The following SNX8 variants were observed in gnomAD, a reference collection of about 807,000 sequenced individuals.
SNX8 encodes sorting nexin 8, also known as sorting nexin-8.
SNX8 carries 25 observed loss-of-function variants against 51.6 expected under a neutral mutation model. The observed-to-expected ratio is 0.48, with a 90% CI of 0.35 to 0.68. The LOEUF is 0.68. Ranked by LOEUF, SNX8 falls within the 30% of genes least tolerant of loss-of-function variation. The pLI is 0.00. For synonymous variants in SNX8, 324 were observed against 277.0 expected (o/e 1.17, Z -1.68); for missense variants, 695 against 624.0 (o/e 1.11, Z -1.21).
intron 1 of SNX8, among the ~76,000 whole-genome samples, chr7:2,282,628 T>C (rs907712494): frequency 1.3e-5 from 2 of 152,128 alleles, no homozygotes; most frequent in African/African-American, 4.8e-5. Context: ...AGCACTACAT[T>C]CTTTTCACAG....
At chr7:2,308,485 T>C (rs1796594520) in intron 1 of SNX8, among the ~76,000 whole-genome samples, 1 of 151,704 alleles carries the variant, frequency 6.6e-6, no homozygotes, top group East Asian at 1.9e-4. Flanking sequence ...CTGGTCAACA[T>C]GGTAAAACCC....
chr7:2,314,453 G>A (rs562472091), upstream of SNX8: 28 of 1,201,740 alleles, frequency 2.3e-5, no homozygotes, highest in East Asian at 4.5e-4. Context: ...ACTTCCTCCC[G>A]CGCCACCCGG....
At chr7:2,278,745 C>T (rs558409488) in intron 1 of SNX8, among the ~76,000 whole-genome samples, 8 of 82,996 alleles carry the variant, frequency 9.6e-5, no homozygotes, top group Admixed American at 2.5e-4. Context: ...ACTCACACTA[C>T]GGAGTCGAAG....
In SNX8 at chr7:2,254,919, G is replaced by A. The variant is rs1010688400; in HGVS notation, c.*137C>T. On this transcript the variant is annotated 3_prime_UTR_variant, in exon 11 of 11. Coordinates refer to ENST00000222990, the MANE Select transcript of SNX8 (RefSeq NM_013321.4). The stretch of plus-strand genomic sequence containing the variant: ...CGGATGCGCCTCCCGACCCGCAGGC[G>A]TGAGCTCCTCTGCTCCAGCTGCAGC... 4.4e-6 allele frequency: 3 copies of A among 685,604 alleles called. No individual in the cohort carries two copies. Among genetic ancestry groups the A allele is most frequent in the Admixed American group, 2.1e-5 (1 of 46,762 alleles). 42.5% of individuals were successfully genotyped at this position (685,604 alleles called of 1,614,324 possible).
At chr7:2,346,572 C>A (rs531562302) in intron 1 of SNX8, among the ~76,000 whole-genome samples, 2 of 151,348 alleles carry the variant, frequency 1.3e-5, no homozygotes, top group Non-Finnish European at 2.9e-5. Context: ...ACAGTGAAAC[C>A]CCGTCTCTAC....
chr7:2,334,007 C>T (rs1294177238), intron 1 of SNX8, among the ~76,000 whole-genome samples: 1 of 152,042 alleles, frequency 6.6e-6, no homozygotes, highest in Admixed American at 6.6e-5. Context: ...GAGGGGCACA[C>T]ACCTGTAGTC....
At chr7:2,330,199 G>A (rs563215611) in intron 1 of SNX8, among the ~76,000 whole-genome samples, 4 of 148,374 alleles carry the variant, frequency 2.7e-5, no homozygotes, top group African/African-American at 7.5e-5. Flanking sequence ...GTGCAGTGGC[G>A]GCATCTCGGC....
At chr7:2,340,400 G>C (rs1454429490) in intron 1 of SNX8, among the ~76,000 whole-genome samples, 1 of 151,582 alleles carries the variant, frequency 6.6e-6, no homozygotes, top group Admixed American at 6.6e-5. Flanking sequence ...GAGGAAAATA[G>C]CTTTATGAGT....
intron 1 of SNX8, among the ~76,000 whole-genome samples, chr7:2,302,788 G>T (rs998069824): frequency 6.6e-6 from 1 of 151,738 alleles, no homozygotes; most frequent in African/African-American, 2.4e-5. Flanking sequence ...CCTCTGCCCG[G>T]CCGCGACCTC....
chr7:2,340,553 T>C (rs1297877093), intron 1 of SNX8, among the ~76,000 whole-genome samples: 2 of 151,806 alleles, frequency 1.3e-5, no homozygotes, highest in Non-Finnish European at 2.9e-5. Flanking sequence ...ATGCATACTT[T>C]AGTTGTCAAA....
intron 1 of SNX8, among the ~76,000 whole-genome samples, chr7:2,350,168 C>G (rs1779110059): frequency 6.6e-6 from 1 of 152,180 alleles, no homozygotes; most frequent in African/African-American, 2.4e-5. Flanking sequence ...AAGATAAACC[C>G]ACAGGAAAAT....
chr7:2,328,389 A>C (rs1282318632), intron 1 of SNX8, among the ~76,000 whole-genome samples: 4 of 151,474 alleles, frequency 2.6e-5, no homozygotes, highest in Admixed American at 1.3e-4. Context: ...ACAGGGTCTC[A>C]CTATATTGCC....
chr7:2,283,466 G>A (rs570524305), intron 1 of SNX8, among the ~76,000 whole-genome samples: 17 of 152,360 alleles, frequency 1.1e-4, no homozygotes, highest in Admixed American at 3.3e-4. Context: ...CAGGGCCGGT[G>A]CTTTCAGAGC....
chr7:2,325,261 CT>C (rs1339447784), intron 1 of SNX8, among the ~76,000 whole-genome samples: 1 of 152,186 alleles, frequency 6.6e-6, no homozygotes, highest in East Asian at 1.9e-4. Context: ...CTGCCCCAGC[CT>C]CCCAAAGTGC....
At chr7:2,348,825 G>A (rs1000396508) in intron 1 of SNX8, among the ~76,000 whole-genome samples, 4 of 151,484 alleles carry the variant, frequency 2.6e-5, no homozygotes, top group South Asian at 2.1e-4. Flanking sequence ...AGTGGTGTGC[G>A]CCTGTAATCT....
rs762348802 is a variant in SNX8 at position 2,257,029 on chromosome 7, G to T, written c.1135-6C>A. ...GTCTGAATCGCGTTCTCCTGCTGCG[G>T]AGCAAACAGCCGCCTTTCGCACCCG... On this transcript the variant is annotated splice_polypyrimidine_tract_variant and splice_region_variant and intron_variant, in intron 9 of 10. Transcript: ENST00000222990. 1 of 1,595,332 alleles carries T rather than the reference G, an allele frequency of 6.3e-7. No homozygotes were observed. The highest frequency in any genetic ancestry group is 1.7e-5 in the Admixed American group (1 of 58,908).
At chr7:2,267,652 C>T (rs902089124) in intron 5 of SNX8, among the ~76,000 whole-genome samples, 2 of 148,998 alleles carry the variant, frequency 1.3e-5, no homozygotes, top group African/African-American at 2.5e-5. Context: ...GACGTGATCT[C>T]GGCTCACTAC....
chr7:2,274,222 ACAT>A (rs1319427978), intron 3 of SNX8, among the ~76,000 whole-genome samples: 1 of 152,220 alleles, frequency 6.6e-6, no homozygotes, highest in East Asian at 1.9e-4. Flanking sequence ...GGTGAAAATC[ACAT>A]CATCAGACCC....
At chr7:2,260,770 G>C (rs1795316561) in intron 7 of SNX8, among the ~76,000 whole-genome samples, 1 of 152,192 alleles carries the variant, frequency 6.6e-6, no homozygotes, top group Admixed American at 6.6e-5. Context: ...AGGACAGTGA[G>C]AGAGATTCAG....
Sources: gnomAD v4.1 joint callset for allele counts (sites outside exome capture counted in the v4.1 genomes callset) on GRCh38, gnomAD v4.1.1 for gene constraint, MANE v1.5 for transcripts, NCBI Gene and HGNC (gene_info 2026-07-23, HGNC 2026-07-21) for gene names.